NRXN3: variants seen among roughly 807,000 people sequenced by gnomAD.
The protein encoded by NRXN3 is neurexin 3.
In NRXN3, 32 loss-of-function variants were observed where a neutral mutation model predicts 137.6. The ratio of observed to expected loss-of-function variants is 0.23; its 90% CI spans 0.18 to 0.31. The LOEUF (loss-of-function observed/expected upper bound fraction) is 0.31, where lower values mean the gene tolerates loss of function less well. NRXN3 is among the 10% of genes least tolerant of loss of function. The pLI is 1.00. For missense variants in NRXN3, 1,574 were observed against 2,062.5 expected (o/e 0.76, Z 4.59); for synonymous variants, 798 against 784.5 (o/e 1.02, Z -0.29).
intron 15 of NRXN3, among the ~76,000 whole-genome samples, chr14:79,428,666 G>A (rs1183423310): frequency 2.0e-5 from 3 of 152,098 alleles, no homozygotes; most frequent in African/African-American, 4.8e-5. Flanking sequence ...TCAGCTGGGG[G>A]TACAAGAGTG....
In NRXN3 at chr14:78,593,632, T is replaced by C. The variant is rs551231176; in HGVS notation, c.758-51488T>C. 5.7e-4 allele frequency among the ~76,000 whole-genome samples: 86 copies of C among 152,184 alleles called. No homozygotes were observed. In the Middle Eastern group the frequency reaches 0.02, roughly 36 times the overall value. ...TCCTTAATACTTGTCTTCACTCTTC[T>C]GTTTTGTCAGTGGAGATGCCAGTAG... On this transcript the variant is annotated intron_variant, in intron 4 of 20. Transcript: ENST00000335750.
chr14:78,597,474 G>T (rs2152424536), intron 4 of NRXN3, among the ~76,000 whole-genome samples: 1 of 152,002 alleles, frequency 6.6e-6, no homozygotes, highest in Non-Finnish European at 1.5e-5. Context: ...TCCCCATCTT[G>T]CATCTTACAA....
chr14:79,071,306 C>T (rs1286685030), intron 15 of NRXN3, among the ~76,000 whole-genome samples: 1 of 152,032 alleles, frequency 6.6e-6, no homozygotes, highest in Non-Finnish European at 1.5e-5. Context: ...CATAGGTATA[C>T]ATGTGCCATG....
At chr14:78,799,253 G>A (rs1277674026) in intron 8 of NRXN3, among the ~76,000 whole-genome samples, 3 of 152,128 alleles carry the variant, frequency 2.0e-5, no homozygotes, top group African/African-American at 7.2e-5. Flanking sequence ...TTGCTGCTTA[G>A]AAATTTCTTC....
chr14:79,507,170 G>A (rs948493023), intron 16 of NRXN3, among the ~76,000 whole-genome samples: 6 of 152,128 alleles, frequency 3.9e-5, no homozygotes, highest in Admixed American at 1.3e-4. Flanking sequence ...CTTTTAACAC[G>A]GAAGCTAACT....
intron 15 of NRXN3, among the ~76,000 whole-genome samples, chr14:79,244,098 G>A (rs909604598): frequency 3.9e-5 from 6 of 152,012 alleles, no homozygotes; most frequent in Admixed American, 2.6e-4. Context: ...TAATGATTTG[G>A]GTAGAAAGAA....
intron 6 of NRXN3, chr14:78,703,908 C>T (rs967250470): frequency 2.6e-5 from 4 of 152,212 alleles, no homozygotes; most frequent in African/African-American, 9.7e-5. Context: ...CCTCCTATTC[C>T]TTGTCAGGAG....
rs530213059 is a variant in NRXN3, at chr14:79,516,025, A to C, written c.3444+48623A>C. Among the ~76,000 whole-genome samples the C allele has an allele frequency of 1.1e-3, 175 of 152,324 alleles. 1 individual carries two copies. The highest frequency in any genetic ancestry group is 3.7e-3 in the African/African-American group (152 of 41,590). The stretch of plus-strand genomic sequence containing the variant: ...CTTGTAGGCTGTGACCTTTCAAGCT[A>C]AACTGCCCCTAGAGAAAGAGAGACT... On this transcript the variant is annotated intron_variant, in intron 16 of 20. Transcript: ENST00000335750.
chr14:78,959,329 A>G (rs1310075691), intron 11 of NRXN3, among the ~76,000 whole-genome samples: 2 of 152,232 alleles, frequency 1.3e-5, no homozygotes, highest in Admixed American at 6.5e-5. Flanking sequence ...AAGGAAGCAT[A>G]AAACTTTGAG....
At chr14:79,089,727 T>C (rs550704427) in intron 15 of NRXN3, among the ~76,000 whole-genome samples, 1 of 152,274 alleles carries the variant, frequency 6.6e-6, no homozygotes, top group South Asian at 2.1e-4. Flanking sequence ...GAACTTTTCA[T>C]TCACACCCTC....
chr14:79,421,169 G>T (rs995604802), intron 15 of NRXN3, among the ~76,000 whole-genome samples: 1 of 152,158 alleles, frequency 6.6e-6, no homozygotes, highest in South Asian at 2.1e-4. Context: ...TTGACTTTAA[G>T]TTTGGGTGTA....
intron 4 of NRXN3, among the ~76,000 whole-genome samples, chr14:78,493,108 G>A (rs1477032209): frequency 6.6e-6 from 1 of 152,136 alleles, no homozygotes; most frequent in African/African-American, 2.4e-5. Context: ...GCTACAGATG[G>A]TTGACTTTTA....
intron 4 of NRXN3, among the ~76,000 whole-genome samples, chr14:78,494,070 G>C (rs566972411): frequency 2.6e-4 from 39 of 152,310 alleles, no homozygotes; most frequent in African/African-American, 9.1e-4. Flanking sequence ...ATTTTAAAGA[G>C]ACTGCTGCCA....
chr14:78,693,522 A>G (rs2098193582), intron 6 of NRXN3, among the ~76,000 whole-genome samples: 1 of 151,722 alleles, frequency 6.6e-6, no homozygotes, highest in East Asian at 1.9e-4. Flanking sequence ...TTAATCATCT[A>G]TTTTTTATTT....
intron 8 of NRXN3, among the ~76,000 whole-genome samples, chr14:78,740,622 G>A (rs1328273275): frequency 6.8e-6 from 1 of 146,756 alleles, no homozygotes; most frequent in Non-Finnish European, 1.5e-5. Context: ...TGAAACTTCT[G>A]TAAAAAATGT....
chr14:79,572,340 G>T (rs893919985), intron 16 of NRXN3, among the ~76,000 whole-genome samples: 1 of 152,112 alleles, frequency 6.6e-6, no homozygotes, highest in Non-Finnish European at 1.5e-5. Context: ...ATATAAATTA[G>T]AAATATTTGG....
chr14:79,116,162 C>A (rs2054401283), intron 15 of NRXN3, among the ~76,000 whole-genome samples: 1 of 152,142 alleles, frequency 6.6e-6, no homozygotes, highest in Admixed American at 6.6e-5. Context: ...AATCACTAGA[C>A]CGATCCTCCT....
chr14:79,354,331 TAAAA>T (rs143009959), intron 15 of NRXN3, among the ~76,000 whole-genome samples: 4 of 152,078 alleles, frequency 2.6e-5, no homozygotes, highest in Non-Finnish European at 5.9e-5. Context: ...ATTCAGTAAA[TAAAA>T]AGAGTTAGAC....
rs536137190 is a variant in NRXN3, at chr14:78,932,747, C to A, written c.2276-24495C>A. 1.4e-4 allele frequency among the ~76,000 whole-genome samples: 21 copies of A among 152,250 alleles called. 1 individual carries two copies. In the South Asian group the frequency reaches 4.4e-3, roughly 32 times the overall value. ...CATTAATTCTTAGCCTTGAGGCATA[C>A]CTTCTCAATAATTAGGAGAATGAAA... On this transcript the variant is annotated intron_variant, in intron 10 of 20. Transcript: ENST00000335750.
Sources: gnomAD v4.1 joint callset for allele counts (sites outside exome capture counted in the v4.1 genomes callset) on GRCh38, gnomAD v4.1.1 for gene constraint, MANE v1.5 for transcripts, NCBI Gene and HGNC (gene_info 2026-07-23, HGNC 2026-07-21) for gene names.